The following ELF1 variants were observed in gnomAD, a reference collection of about 807,000 sequenced individuals.
ELF1 encodes the protein ETS-related transcription factor Elf-1.
Under a neutral mutation model 59.9 loss-of-function variants are expected in ELF1, and 24 were observed. The ratio of observed to expected loss-of-function variants is 0.40; its 90% CI spans 0.29 to 0.56. The LOEUF is 0.56. ELF1 is among the 20% of genes least tolerant of loss of function. ELF1 has a pLI of 0.44. For synonymous variants in ELF1, 248 were observed against 266.2 expected, an observed-to-expected ratio of 0.93 and a Z score of 0.67; for missense variants, 627 against 742.2, an observed-to-expected ratio of 0.84 and a Z score of 1.80.
intron 1 of ELF1, among the ~76,000 whole-genome samples, chr13:41,042,288 A>G (rs1876644578): frequency 6.6e-6 from 1 of 151,526 alleles, no homozygotes; most frequent in South Asian, 2.1e-4. Flanking sequence ...TGCTGGGGTT[A>G]CAGCTTTTTC....
At chr13:40,955,082 C>G (rs1301108982) in intron 3 of ELF1, among the ~76,000 whole-genome samples, 1 of 150,014 alleles carries the variant, frequency 6.7e-6, no homozygotes, top group African/African-American at 2.5e-5. Flanking sequence ...ATGTGAGGAG[C>G]GTCTCTGCCC....
chr13:41,003,772 T>C (rs1874594455), intron 1 of ELF1, among the ~76,000 whole-genome samples: 1 of 152,304 alleles, frequency 6.6e-6, no homozygotes, highest in African/African-American at 2.4e-5. Flanking sequence ...CTTAGCGAGC[T>C]AAAATAATTA....
At chr13:40,955,168 C>G (rs1041351593) in intron 3 of ELF1, among the ~76,000 whole-genome samples, 10 of 150,254 alleles carry the variant, frequency 6.7e-5, no homozygotes, top group Non-Finnish European at 1.5e-4. Flanking sequence ...GCCCCTCCGC[C>G]CGGCAGCCAC....
At chr13:40,984,760 G>T (rs2138281163) in intron 1 of ELF1, among the ~76,000 whole-genome samples, 1 of 152,270 alleles carries the variant, frequency 6.6e-6, no homozygotes, top group East Asian at 1.9e-4. Context: ...GTTCCAGAAG[G>T]CTATTTCAAA....
intron 2 of ELF1, among the ~76,000 whole-genome samples, chr13:40,981,060 G>A (rs1311796413): frequency 2.0e-5 from 3 of 152,030 alleles, no homozygotes; most frequent in African/African-American, 7.2e-5. Flanking sequence ...CCAAAAGTAA[G>A]AATTTTATTA....
intron 1 of ELF1, chr13:41,060,817 T>A (rs115373616): frequency 8.7e-6 from 2 of 228,742 alleles, no homozygotes; most frequent in Non-Finnish European, 9.0e-6. Context: ...GGAAGTGCTA[T>A]GAGAAACTGC....
At position 40,984,163 on chromosome 13, in the gene ELF1, C is replaced by A. The variant is rs146148244; in HGVS notation, c.-228-1881G>T. 7.0e-3 allele frequency among the ~76,000 whole-genome samples: 1,060 copies of A among 152,300 alleles called. 15 individuals are homozygous for A. Among genetic ancestry groups the A allele is most frequent in the African/African-American group, 0.024 (1,005 of 41,568 alleles). ...AGGCACCAAGACAACTGAAGCAAAA[C>A]CTCTTCTGGGGAAATAACCATTGTC... On this transcript the variant is annotated intron_variant, in intron 1 of 8. Transcript: ENST00000239882.
At chr13:41,001,468 A>G (rs1047280022) in intron 1 of ELF1, among the ~76,000 whole-genome samples, 3 of 152,096 alleles carry the variant, frequency 2.0e-5, no homozygotes, top group Non-Finnish European at 2.9e-5. Flanking sequence ...TGGAACCACA[A>G]AAGATCTCAA....
intron 4 of ELF1, among the ~76,000 whole-genome samples, chr13:40,950,571 C>T (rs1458529418): frequency 6.6e-6 from 1 of 152,106 alleles, no homozygotes; most frequent in African/African-American, 2.4e-5. Flanking sequence ...GTCTCTTCTA[C>T]CTATTAAAAG....
intron 1 of ELF1, among the ~76,000 whole-genome samples, chr13:41,017,953 T>C (rs1875509925): frequency 6.6e-6 from 1 of 152,190 alleles, no homozygotes; most frequent in African/African-American, 2.4e-5. Flanking sequence ...CCGCTGTGTC[T>C]TTCTTGTAAG....
intron 1 of ELF1, among the ~76,000 whole-genome samples, chr13:41,033,293 T>A (rs1237056805): frequency 6.6e-6 from 1 of 152,224 alleles, no homozygotes; most frequent in Non-Finnish European, 1.5e-5. Context: ...TCTCTAAGCC[T>A]CTGTTTTCAC....
In ELF1 at chr13:41,010,450, T is replaced by TC. The variant is rs1225007212; in HGVS notation, c.-229+8777dup. ...TAGGCGAGAGGGCTACACCCCTATC[T>TC]CCCCCCCACCCCCCCAAAAAAATAC... On this transcript the variant is annotated intron_variant, in intron 1 of 8. Transcript: ENST00000239882. 8.2e-3 allele frequency among the ~76,000 whole-genome samples: 612 copies of TC among 75,076 alleles called. 5 individuals are homozygous for TC. The highest frequency in any genetic ancestry group is 0.028 in the African/African-American group (558 of 19,596). The allele number at this position is 75,076 out of a possible 152,430, so 49.3% of individuals were successfully genotyped here. A position where few individuals can be genotyped will look rare whatever the true frequency, so the allele number is the denominator to read the frequency against.
chr13:40,956,221 T>C (rs1871414599), intron 3 of ELF1, among the ~76,000 whole-genome samples: 1 of 151,816 alleles, frequency 6.6e-6, no homozygotes, highest in African/African-American at 2.4e-5. Flanking sequence ...CATTTTGTTC[T>C]GTACTAAGAA....
Position 40,933,526 on chromosome 13 carries a change from G to C in ELF1, c.1759C>G (p.Gln587Glu), listed in dbSNP as rs749181243. The change falls in exon 9 of 9, where the codon CAG becomes GAG. Residue 587 changes from glutamine (Q) to glutamate (E), a missense_variant. Transcript: ENST00000239882. ...HLKENTEKTE[Q>E]QPQPYVMVVS... ...ACCATCACATAAGGCTGTGGCTGCTGCTCCGTTTTCTCAGTGTTCTCTTTC... is the reference window on the plus strand; with the variant it reads ...ACCATCACATAAGGCTGTGGCTGCTCCTCCGTTTTCTCAGTGTTCTCTTTC... The C allele has an allele frequency of 6.2e-7, 1 of 1,614,226 alleles. No homozygotes were observed. Among genetic ancestry groups the C allele is most frequent in the Non-Finnish European group, 8.5e-7 (1 of 1,180,040 alleles).
chr13:41,053,302 C>T (rs1401859013), intron 1 of ELF1, among the ~76,000 whole-genome samples: 2 of 151,488 alleles, frequency 1.3e-5, no homozygotes, highest in South Asian at 2.1e-4. Flanking sequence ...TGTAGTGAGC[C>T]GAGATCATGC....
chr13:40,967,755 C>T (rs372499846), intron 2 of ELF1, among the ~76,000 whole-genome samples: 3 of 151,424 alleles, frequency 2.0e-5, no homozygotes, highest in African/African-American at 7.3e-5. Context: ...CCATGTCTGG[C>T]TAATTTTTTT....
chr13:40,951,597 C>T (rs761363447), intron 3 of ELF1, 161 bp from the exon 4 acceptor site: 9 of 443,002 alleles, frequency 2.0e-5, no homozygotes, highest in East Asian at 1.2e-4. Flanking sequence ...ACCTGGCTGG[C>T]GCAGTGGCTC....
rs143239123 is a variant in ELF1, at chr13:40,951,724, G to A, written c.254-288C>T. 1.7e-3 allele frequency: 315 copies of A among 189,348 alleles called. 2 individuals carry two copies. The highest frequency in any genetic ancestry group is 7.0e-3 in the African/African-American group (298 of 42,548). The allele number at this position is 189,348 out of a possible 1,614,324, so 11.7% of individuals were successfully genotyped here. A position where few individuals can be genotyped will look rare whatever the true frequency, so the allele number is the denominator to read the frequency against. ...CTACTAAAAATACAAAAAATTAGCT[G>A]GGCGTGGTGGCACGCACCTGTAGTC... On this transcript the variant is annotated intron_variant, in intron 3 of 8. Coordinates refer to ENST00000239882, the MANE Select transcript of ELF1 (RefSeq NM_172373.4).
intron 1 of ELF1, among the ~76,000 whole-genome samples, chr13:40,997,880 G>A (rs2138324496): frequency 1.3e-5 from 2 of 152,264 alleles, no homozygotes; most frequent in South Asian, 4.1e-4. Flanking sequence ...GCCAGGCGCA[G>A]TGGCTCATGC....
Sources: gnomAD v4.1 joint callset for allele counts (sites outside exome capture counted in the v4.1 genomes callset) on GRCh38, gnomAD v4.1.1 for gene constraint, MANE v1.5 for transcripts, NCBI Gene and HGNC (gene_info 2026-07-23, HGNC 2026-07-21) for gene names.